The following REEP4 variants were observed in gnomAD, a reference collection of about 807,000 sequenced individuals.
REEP4 encodes receptor expression-enhancing protein 4.
Under a neutral mutation model 33.5 loss-of-function variants are expected in REEP4, and 17 were observed. That is an observed-to-expected ratio of 0.51 (90% confidence interval 0.35 to 0.76). The LOEUF (loss-of-function observed/expected upper bound fraction) is 0.76. Among genes scored for constraint, REEP4 ranks in the 30% least tolerant of loss-of-function variants. The pLI is 0.01. For missense variants in REEP4, 340 were observed against 357.9 expected, an observed-to-expected ratio of 0.95 and a Z score of 0.40; for synonymous variants, 157 against 142.9, an observed-to-expected ratio of 1.10 and a Z score of -0.70.
At position 22,140,210 on chromosome 8, in the gene REEP4, G is replaced by A; in HGVS notation, c.144C>T (p.Phe48=). 1 of 1,614,146 alleles carries A rather than the reference G, an allele frequency of 6.2e-7. No homozygotes were observed. The highest frequency in any genetic ancestry group is 8.5e-7 in the Non-Finnish European group (1 of 1,180,022). The change falls in exon 3 of 8, where the codon TTC becomes TTT. Residue 48 remains phenylalanine (F), a synonymous_variant. Coordinates refer to ENST00000306306, the MANE Select transcript of REEP4 (RefSeq NM_025232.4). ...WMMYWIVFAL[F]MAAEIVTDIF... is the part of the protein sequence containing the mutation. Reference sequence around the variant, plus strand: ...TGTCTGTAACGATCTCTGCTGCCATGAAGAGTGCAAAAACAATCCAGTACA... The same window carrying A: ...TGTCTGTAACGATCTCTGCTGCCATAAAGAGTGCAAAAACAATCCAGTACA...
At chr8:22,140,115 G>A in intron 3 of REEP4, 32 bp from the exon 4 acceptor site, 1 of 1,614,084 alleles carries the variant, frequency 6.2e-7, no homozygotes, top group Non-Finnish European at 8.5e-7. Flanking sequence ...GGTGAGCCAA[G>A]GAGCAGGGCT....
At position 22,139,068 on chromosome 8, in the gene REEP4, G is replaced by A; in HGVS notation, c.418-7C>T. On this transcript the variant is annotated splice_region_variant and splice_polypyrimidine_tract_variant and intron_variant, in intron 5 of 7. Coordinates refer to ENST00000306306, the MANE Select transcript of REEP4 (RefSeq NM_025232.4). Reference sequence around the variant, plus strand: ...CGGCCAGCGCCCCCTGACTCTGCGAGGGGGAAGAGGCTTCAGCGGGGAGGC... The same window carrying A: ...CGGCCAGCGCCCCCTGACTCTGCGAAGGGGAAGAGGCTTCAGCGGGGAGGC... 1 of 1,564,002 alleles carries A rather than the reference G, an allele frequency of 6.4e-7. No homozygotes were observed. Among genetic ancestry groups the A allele is most frequent in the Non-Finnish European group, 8.6e-7 (1 of 1,156,240 alleles).
Position 22,138,520 on chromosome 8 carries a change from C to G in REEP4, c.741G>C (p.Arg247Ser), listed in dbSNP as rs759890785. The change falls in exon 8 of 8, where the codon AGG becomes AGC. Residue 247 changes from arginine (R) to serine (S), a missense_variant. Arg to Ser is a moderately radical substitution (Grantham distance 110). Transcript: ENST00000306306. Reference protein sequence around the residue: ...GTSRSLKVRTRKKTVPSDVDS With the variant: ...GTSRSLKVRTSKKTVPSDVDS ...CCACGTCTGAGGGCACAGTCTTTTTCCTCGTCCGAACCTTCAGGGAGCGCG... is the reference window on the plus strand; with the variant it reads ...CCACGTCTGAGGGCACAGTCTTTTTGCTCGTCCGAACCTTCAGGGAGCGCG... 18 of 1,613,908 alleles carry G rather than the reference C, an allele frequency of 1.1e-5. No homozygotes were observed. In the East Asian group the frequency reaches 4.0e-4, roughly 36 times the overall value.
intron 1 of REEP4, 108 bp downstream of exon 1, chr8:22,141,343 G>A: frequency 7.5e-7 from 1 of 1,328,938 alleles, no homozygotes; most frequent in Non-Finnish European, 1.1e-6. Context: ...TGGAGTGCTG[G>A]AGGGTGGAGC....
chr8:22,138,856 G>T (rs746608503), intron 6 of REEP4, 63 bp from the exon 7 acceptor site: 29 of 1,555,126 alleles, frequency 1.9e-5, no homozygotes, highest in Non-Finnish European at 2.4e-5. Context: ...TCGAGCCTTG[G>T]GGGAAGCCAT....
intron 1 of REEP4, 101 bp downstream of exon 1, chr8:22,141,350 G>C: frequency 7.2e-7 from 1 of 1,383,788 alleles, no homozygotes; most frequent in South Asian, 1.2e-5. Flanking sequence ...CTGGAGGGTG[G>C]AGCTCAGAAA....
chr8:22,140,584 TC>T (rs781767847), intron 2 of REEP4, 40 bp downstream of exon 2: 1 of 1,572,848 alleles, frequency 6.4e-7, no homozygotes, highest in Admixed American at 1.7e-5. Flanking sequence ...CCTCCCCACC[TC>T]ACCAAGTCCT....
Position 22,138,460 on chromosome 8 carries a change from G to GT in REEP4, c.*26dup, listed in dbSNP as rs1391503358. 1.2e-6 allele frequency: 2 copies of GT among 1,611,908 alleles called. No homozygotes were observed. ...GCCCTGGAGCCCTGCAGGGCACGAGGTAAGAAGGGGGCAGATGCAGCAGAC... is the reference window on the plus strand; with the variant it reads ...GCCCTGGAGCCCTGCAGGGCACGAGGTTAAGAAGGGGGCAGATGCAGCAGAC... On this transcript the variant is annotated 3_prime_UTR_variant, in exon 8 of 8. Transcript: ENST00000306306.
rs369970041 is a variant in REEP4, at chr8:22,139,351, T to C, written c.417+65A>G. On this transcript the variant is annotated intron_variant, in intron 5 of 7. Coordinates refer to ENST00000306306, the MANE Select transcript of REEP4 (RefSeq NM_025232.4). ...TCTCTGGGCTCCCTGGCAGAGGAGC[T>C]GAATGAGCCCAAAGGGCCTTAGGGG... The C allele has an allele frequency of 3.1e-5, 42 of 1,369,714 alleles. No homozygotes were observed. The East Asian group carries it at 4.8e-4, about 16-fold the overall frequency. 84.8% of individuals were successfully genotyped at this position (1,369,714 alleles called of 1,614,324 possible). A position where few individuals can be genotyped will look rare whatever the true frequency, so the allele number is the denominator to read the frequency against.
At chr8:22,140,363 C>G (rs1253913562) in intron 2 of REEP4, 115 bp from the exon 3 acceptor site, 4 of 1,080,364 alleles carry the variant, frequency 3.7e-6, no homozygotes, top group Admixed American at 3.8e-5. Context: ...TGCTTTCCCC[C>G]ACACATGGCT....
chr8:22,140,579 C>A, intron 2 of REEP4, 46 bp downstream of exon 2: 2 of 1,554,242 alleles, frequency 1.3e-6, no homozygotes, highest in South Asian at 1.2e-5. Flanking sequence ...GAGACCCTCC[C>A]CACCTCACCA....
rs376770617 is a variant in REEP4, at chr8:22,140,106, G to A, written c.183-23C>T. On this transcript the variant is annotated intron_variant, in intron 3 of 7. Coordinates refer to ENST00000306306, the MANE Select transcript of REEP4 (RefSeq NM_025232.4). ...AACCTGTCACAGCACAAGGGGCAGG[G>A]TGAGCCAAGGAGCAGGGCTGGGGGG... The A allele has an allele frequency of 5.0e-5, 81 of 1,613,958 alleles. No individual in the cohort carries two copies. In the African/African-American group the frequency reaches 1.0e-3, roughly 20 times the overall value.
intron 2 of REEP4, 74 bp from the exon 3 acceptor site, chr8:22,140,322 A>G (rs1252361159): frequency 6.8e-7 from 1 of 1,467,976 alleles, no homozygotes. Flanking sequence ...CCCAGCCCAG[A>G]GATTCCAGGG....
At chr8:22,140,479 C>T (rs1226089629) in intron 2 of REEP4, 146 bp downstream of exon 2, 7 of 839,490 alleles carry the variant, frequency 8.3e-6, no homozygotes, top group African/African-American at 1.7e-5. Flanking sequence ...TCTATCTACA[C>T]CCTCTTGAAC....
chr8:22,138,660 C>G lies in REEP4; in HGVS notation c.687G>C (p.Lys229Asn). ...LIRSQSLRVV[K>N]RKPPVREGTS... ...TGACCTCCCGCACCGGTGGCTTCCT[C>G]TTGACCACACGCAGGCTCTGGCTGC... is the stretch of plus-strand genomic sequence containing the variant. The change falls in exon 7 of 8, where the codon AAG becomes AAC. Residue 229 changes from lysine (K) to asparagine (N), a missense_variant. Coordinates refer to ENST00000306306, the MANE Select transcript of REEP4 (RefSeq NM_025232.4). The G allele has an allele frequency of 6.2e-7, 1 of 1,613,926 alleles. No individual in the cohort carries two copies. The highest frequency in any genetic ancestry group is 1.1e-5 in the South Asian group (1 of 91,084).
chr8:22,139,690 G>C (rs1827195496), intron 4 of REEP4, 161 bp from the exon 5 acceptor site: 1 of 690,518 alleles, frequency 1.4e-6, no homozygotes, highest in African/African-American at 1.8e-5. Context: ...CAAGAGCAGG[G>C]CTGCCACCCG....
At position 22,139,070 on chromosome 8, in the gene REEP4, G is replaced by A; in HGVS notation, c.418-9C>T. On this transcript the variant is annotated splice_polypyrimidine_tract_variant and intron_variant, in intron 5 of 7. Transcript: ENST00000306306. Reference sequence around the variant, plus strand: ...GCCAGCGCCCCCTGACTCTGCGAGGGGGAAGAGGCTTCAGCGGGGAGGCTG... The same window carrying A: ...GCCAGCGCCCCCTGACTCTGCGAGGAGGAAGAGGCTTCAGCGGGGAGGCTG... 3 of 1,565,946 alleles carry A rather than the reference G, an allele frequency of 1.9e-6. No individual in the cohort carries two copies. Among genetic ancestry groups the A allele is most frequent in the African/African-American group, 1.4e-5 (1 of 73,800 alleles).
In REEP4 at chr8:22,138,969, G is replaced by A. The variant is rs755572780; in HGVS notation, c.510C>T (p.Pro170=). The A allele has an allele frequency of 6.2e-7, 1 of 1,608,734 alleles. No individual in the cohort carries two copies. The highest frequency in any genetic ancestry group is 1.7e-5 in the Admixed American group (1 of 59,094). The change falls in exon 6 of 8, where the codon CCC becomes CCT. Residue 170 remains proline, a synonymous_variant. Coordinates refer to ENST00000306306, the MANE Select transcript of REEP4 (RefSeq NM_025232.4). ...SDAPAPAYHD[P]LYLEDQVSHR... The stretch of plus-strand genomic sequence containing the variant: ...GGGACACCTGGTCCTCCAGGTAGAG[G>A]GGGTCATGGTAGGCAGGGGCAGGTG...
intron 5 of REEP4, 165 bp downstream of exon 5, chr8:22,139,251 G>A: frequency 1.0e-6 from 1 of 962,812 alleles, no homozygotes; most frequent in Non-Finnish European, 1.6e-6. Context: ...GAGCCAGGAA[G>A]GAAGGTCTGA....
Sources: allele counts gnomAD v4.1 joint callset, GRCh38; gene constraint gnomAD v4.1.1; transcripts MANE v1.5; gene names NCBI Gene and HGNC (gene_info 2026-07-23, HGNC 2026-07-21).